OXR1: variants seen among roughly 807,000 people sequenced by gnomAD.
OXR1 encodes the protein oxidation resistance protein 1.
A neutral mutation model predicts 104.6 loss-of-function variants in OXR1; 41 were observed. That is an observed-to-expected ratio of 0.39 (90% confidence interval 0.31 to 0.51). The LOEUF (loss-of-function observed/expected upper bound fraction) is 0.51, where lower values mean the gene tolerates loss of function less well. Ranked by LOEUF, OXR1 falls within the 20% of genes least tolerant of loss-of-function variation. The pLI is 0.77. For synonymous variants in OXR1, 348 were observed against 348.4 expected (o/e 1.00, Z 0.01); for missense variants, 955 against 1,031.9 (o/e 0.93, Z 1.02).
At chr8:106,526,980 T>C (rs973724512) in intron 3 of OXR1, among the ~76,000 whole-genome samples, 1 of 152,176 alleles carries the variant, frequency 6.6e-6, no homozygotes, top group Non-Finnish European at 1.5e-5. Flanking sequence ...TTGAGCTCCT[T>C]CTTTTGCTCA....
intron 2 of OXR1, among the ~76,000 whole-genome samples, chr8:106,501,927 T>C (rs142434061): frequency 6.6e-6 from 1 of 152,320 alleles, no homozygotes; most frequent in African/African-American, 2.4e-5. Context: ...TGCCAGGAGA[T>C]TAAGGCAATA....
chr8:106,747,459 T>C (rs1835486174), intron 16 of OXR1, among the ~76,000 whole-genome samples: 1 of 152,212 alleles, frequency 6.6e-6, no homozygotes, highest in African/African-American at 2.4e-5. Flanking sequence ...TGCAGTATCA[T>C]TGGCTGCATG....
intron 2 of OXR1, among the ~76,000 whole-genome samples, chr8:106,461,415 A>G (rs1174894338): frequency 1.3e-5 from 2 of 152,072 alleles, no homozygotes; most frequent in Non-Finnish European, 2.9e-5. Context: ...CTACAAAAAT[A>G]CAAAAATTAG....
chr8:106,716,190 A>G (rs1020828843), intron 11 of OXR1, among the ~76,000 whole-genome samples: 84 of 152,248 alleles, frequency 5.5e-4, no homozygotes, highest in Non-Finnish European at 9.8e-4. Flanking sequence ...ATTAAGGTCA[A>G]GTATTTCCTA....
intron 3 of OXR1, among the ~76,000 whole-genome samples, chr8:106,552,940 T>A (rs1422469203): frequency 6.6e-6 from 1 of 152,142 alleles, no homozygotes; most frequent in African/African-American, 2.4e-5. Flanking sequence ...ATAAATAATA[T>A]CATCCTGGAT....
Position 106,362,144 on chromosome 8 carries a change from G to T in OXR1, c.23+2508G>T, listed in dbSNP as rs567495377. 5.5e-4 allele frequency among the ~76,000 whole-genome samples: 84 copies of T among 152,248 alleles called. 1 individual carries two copies. The South Asian group carries it at 0.016, about 30-fold the overall frequency. ...TGCCAATGTTTGCCCCGATGATTCTGAGTTCCACTTCTGCCAGACTCTGTC... is the reference window on the plus strand; with the variant it reads ...TGCCAATGTTTGCCCCGATGATTCTTAGTTCCACTTCTGCCAGACTCTGTC... On this transcript the variant is annotated intron_variant, in intron 2 of 16. Coordinates refer to ENST00000517566, the MANE Select transcript of OXR1 (RefSeq NM_001198533.2).
intron 11 of OXR1, among the ~76,000 whole-genome samples, chr8:106,714,292 TA>T (rs1373091522): frequency 6.6e-6 from 1 of 152,074 alleles, no homozygotes; most frequent in Non-Finnish European, 1.5e-5. Context: ...GAAATAATTT[TA>T]ATTTTGCTGT....
chr8:106,312,592 T>C (rs1198876337), intron 1 of OXR1, among the ~76,000 whole-genome samples: 3 of 152,242 alleles, frequency 2.0e-5, no homozygotes, highest in Non-Finnish European at 4.4e-5. Context: ...CCACACTGGA[T>C]GTTTACTCAG....
intron 3 of OXR1, among the ~76,000 whole-genome samples, chr8:106,583,669 C>T (rs1818416490): frequency 6.6e-6 from 1 of 152,158 alleles, no homozygotes; most frequent in Non-Finnish European, 1.5e-5. Context: ...CTAATGCTAA[C>T]AGTGGGAATA....
chr8:106,528,352 T>C (rs1394676946), intron 3 of OXR1, among the ~76,000 whole-genome samples: 1 of 152,244 alleles, frequency 6.6e-6, no homozygotes, highest in Non-Finnish European at 1.5e-5. Flanking sequence ...TTGCAAATTC[T>C]AAAATCCAAT....
rs143278857 is a variant in OXR1, at chr8:106,353,416, T to A, written c.-138-6060T>A. Among the ~76,000 whole-genome samples the A allele has an allele frequency of 6.7e-4, 101 of 149,842 alleles. 2 individuals are homozygous for A. The East Asian group carries it at 0.018, about 27-fold the overall frequency. The stretch of plus-strand genomic sequence containing the variant: ...ATTTAACTATATAGACAATCAATTT[T>A]CACAGGAAAAATAATATCTTTCCCC... On this transcript the variant is annotated intron_variant, in intron 1 of 16. Transcript: ENST00000517566.
At chr8:106,275,419 T>C (rs901857610) in intron 1 of OXR1, among the ~76,000 whole-genome samples, 1 of 152,048 alleles carries the variant, frequency 6.6e-6, no homozygotes, top group African/African-American at 2.4e-5. Context: ...GCACTGGTAG[T>C]TAGAGGAAGC....
chr8:106,410,440 T>C (rs1293526624), intron 2 of OXR1, among the ~76,000 whole-genome samples: 1 of 152,188 alleles, frequency 6.6e-6, no homozygotes, highest in Non-Finnish European at 1.5e-5. Context: ...AGAAGAAATA[T>C]GTAATTCCTT....
rs181789663 is a variant in OXR1 at position 106,608,837 on chromosome 8, G to C, written c.221-70373G>C. ...CATTGTGCTTCTCTGGTCATGTTAGGTTTGGAATGCTGATGGGTTTATATC... is the reference window on the plus strand; with the variant it reads ...CATTGTGCTTCTCTGGTCATGTTAGCTTTGGAATGCTGATGGGTTTATATC... On this transcript the variant is annotated intron_variant, in intron 3 of 16. Coordinates refer to ENST00000517566, the MANE Select transcript of OXR1 (RefSeq NM_001198533.2). Among the ~76,000 whole-genome samples, 8 of 152,284 alleles carry C rather than the reference G, an allele frequency of 5.3e-5. No homozygotes were observed. The East Asian group carries it at 1.5e-3, about 29-fold the overall frequency.
intron 3 of OXR1, among the ~76,000 whole-genome samples, chr8:106,622,889 T>A (rs888512495): frequency 6.6e-6 from 1 of 152,240 alleles, no homozygotes; most frequent in Non-Finnish European, 1.5e-5. Flanking sequence ...CAGGGCCTAA[T>A]ACGTAGAATG....
intron 3 of OXR1, among the ~76,000 whole-genome samples, chr8:106,601,632 T>G (rs1819976833): frequency 6.6e-6 from 1 of 152,196 alleles, no homozygotes; most frequent in Non-Finnish European, 1.5e-5. Context: ...ATATATGAAT[T>G]CTGGGGAGTC....
chr8:106,520,963 A>G (rs1002930742), intron 3 of OXR1, among the ~76,000 whole-genome samples: 1 of 152,202 alleles, frequency 6.6e-6, no homozygotes, highest in Non-Finnish European at 1.5e-5. Context: ...AAAAAGATGA[A>G]CGATGAGTTA....
At chr8:106,571,918 G>C (rs1396480952) in intron 3 of OXR1, among the ~76,000 whole-genome samples, 1 of 152,126 alleles carries the variant, frequency 6.6e-6, no homozygotes, top group Admixed American at 6.6e-5. Context: ...AGATCTTAAG[G>C]CTCAAAAATA....
intron 1 of OXR1, among the ~76,000 whole-genome samples, chr8:106,343,388 T>C (rs1016256788): frequency 2.0e-5 from 3 of 152,258 alleles, no homozygotes; most frequent in African/African-American, 4.8e-5. Flanking sequence ...TTCTAGAGAA[T>C]GGATCTAGGT....
Sources: allele counts gnomAD v4.1 joint callset (sites outside exome capture counted in the v4.1 genomes callset), GRCh38; gene constraint gnomAD v4.1.1; transcripts MANE v1.5; gene names NCBI Gene and HGNC (gene_info 2026-07-23, HGNC 2026-07-21).